VPS13D: variants seen among roughly 807,000 people sequenced by gnomAD.
VPS13D encodes intermembrane lipid transfer protein VPS13D.
A neutral mutation model predicts 461.9 loss-of-function variants in VPS13D; 187 were observed. The observed-to-expected ratio is 0.40, with a 90% CI of 0.36 to 0.46. The LOEUF (loss-of-function observed/expected upper bound fraction) is 0.46, where lower values mean the gene tolerates loss of function less well. Ranked by LOEUF, VPS13D falls within the 20% of genes least tolerant of loss-of-function variation. The pLI, the probability that VPS13D is intolerant of heterozygous loss-of-function variation, is 0.60. For missense variants in VPS13D, 4,711 were observed against 5,364.9 expected (o/e 0.88, Z 3.81); for synonymous variants, 1,951 against 1,986.3 (o/e 0.98, Z 0.47).
At chr1:12,250,618 G>A (rs1640704131) in intron 6 of VPS13D, among the ~76,000 whole-genome samples, 1 of 152,208 alleles carries the variant, frequency 6.6e-6, no homozygotes, top group Non-Finnish European at 1.5e-5. Flanking sequence ...TTATATGGCA[G>A]GCACTGTTCT....
At chr1:12,269,473 A>G (rs973328446) in intron 16 of VPS13D, among the ~76,000 whole-genome samples, 1 of 152,216 alleles carries the variant, frequency 6.6e-6, no homozygotes, top group Admixed American at 6.5e-5. Flanking sequence ...CATACTTTTT[A>G]TTTCACTATG....
chr1:12,377,591 A>G (rs976331148), intron 55 of VPS13D, among the ~76,000 whole-genome samples: 2 of 151,806 alleles, frequency 1.3e-5, no homozygotes, highest in African/African-American at 4.8e-5. Context: ...AGGCCGAGGC[A>G]GACAGATCAC....
rs778796648 is a variant in VPS13D at position 12,329,805 on chromosome 1, C to T, written c.8198-24C>T. On this transcript the variant is annotated intron_variant, in intron 36 of 69. Coordinates refer to ENST00000620676, the MANE Select transcript of VPS13D (RefSeq NM_015378.4). ...TTTGGTTGCTCCTGCCCTGCCGCTGCAGTAAGGTTTGCTTTCATTGCAGGT... is the reference window on the plus strand; with the variant it reads ...TTTGGTTGCTCCTGCCCTGCCGCTGTAGTAAGGTTTGCTTTCATTGCAGGT... The T allele has an allele frequency of 5.0e-6, 8 of 1,608,900 alleles. No individual in the cohort carries two copies. The Middle Eastern group carries it at 6.6e-4, about 133-fold the overall frequency.
intron 52 of VPS13D, among the ~76,000 whole-genome samples, chr1:12,367,222 A>AT (rs1463822851): frequency 6.6e-6 from 1 of 152,180 alleles, no homozygotes; most frequent in East Asian, 1.9e-4. Flanking sequence ...TATTTTCTGC[A>AT]TTTGGGCAGT....
rs776924831 is a variant in VPS13D at position 12,304,734 on chromosome 1, AGAG to A, written c.6439+10_6439+12del. 6.2e-7 allele frequency: 1 copy of A among 1,613,684 alleles called. No homozygotes were observed. The highest frequency in any genetic ancestry group is 8.5e-7 in the Non-Finnish European group (1 of 1,179,930). ...CCAAGAGTCCAGTAGTCCAGGTAAA[AGAG>A]GAGAAAAGCAACATAATACTGAAGG... On this transcript the variant is annotated splice_region_variant and intron_variant, in intron 26 of 69. Coordinates refer to ENST00000620676, the MANE Select transcript of VPS13D (RefSeq NM_015378.4).
At chr1:12,321,513 A>T (rs1643034689) in intron 32 of VPS13D, among the ~76,000 whole-genome samples, 1 of 151,880 alleles carries the variant, frequency 6.6e-6, no homozygotes, top group Non-Finnish European at 1.5e-5. Flanking sequence ...GGTTTAGTGA[A>T]TTTTTTTCTT....
In VPS13D at chr1:12,277,908, A is replaced by G. The variant is rs1180503833; in HGVS notation, c.4320A>G (p.Ala1440=). 6.2e-7 allele frequency: 1 copy of G among 1,614,184 alleles called. No individual in the cohort carries two copies. Among genetic ancestry groups the G allele is most frequent in the Non-Finnish European group, 8.5e-7 (1 of 1,180,018 alleles). ...KLYSLNCTQL[A]GREAVGSEGS... is the part of the protein sequence containing the mutation. Reference sequence around the variant, plus strand: ...ATTCTTTGAATTGCACCCAGTTGGCAGGTAGAGAAGCTGTTGGGTCTGAAG... The same window carrying G: ...ATTCTTTGAATTGCACCCAGTTGGCGGGTAGAGAAGCTGTTGGGTCTGAAG... The change falls in exon 19 of 70, where the codon GCA becomes GCG. Residue 1440 remains alanine, a synonymous_variant. Transcript: ENST00000620676.
intron 17 of VPS13D, 29 bp from the exon 18 acceptor site, chr1:12,272,974 T>C: frequency 6.2e-7 from 1 of 1,607,426 alleles, no homozygotes. Flanking sequence ...TTTCGGCAGT[T>C]ATGGTTAATG....
chr1:12,508,675 G>A (rs142936422), intron 69 of VPS13D, among the ~76,000 whole-genome samples: 2 of 150,358 alleles, frequency 1.3e-5, no homozygotes, highest in South Asian at 2.1e-4. Flanking sequence ...GCGCCTAGGC[G>A]ACAGAGACTC....
At chr1:12,436,621 A>G (rs897396868) in intron 65 of VPS13D, among the ~76,000 whole-genome samples, 3 of 152,176 alleles carry the variant, frequency 2.0e-5, no homozygotes, top group South Asian at 2.1e-4. Flanking sequence ...ATTTGACCAT[A>G]ATCTGCATAT....
intron 54 of VPS13D, among the ~76,000 whole-genome samples, chr1:12,372,489 A>G (rs1246933922): frequency 6.6e-6 from 1 of 152,162 alleles, no homozygotes; most frequent in Non-Finnish European, 1.5e-5. Flanking sequence ...TCATGTGCTT[A>G]TTAGTCATTT....
At chr1:12,353,043 A>C (rs1643835021) in intron 46 of VPS13D, among the ~76,000 whole-genome samples, 1 of 150,818 alleles carries the variant, frequency 6.6e-6, no homozygotes, top group Non-Finnish European at 1.5e-5. Flanking sequence ...AGAAATGAAG[A>C]TATATGTCCA....
At chr1:12,245,347 T>G (rs1161300007) in intron 5 of VPS13D, among the ~76,000 whole-genome samples, 1 of 152,168 alleles carries the variant, frequency 6.6e-6, no homozygotes, top group Non-Finnish European at 1.5e-5. Context: ...CAGTCTGAGG[T>G]TTTTGATTTC....
chr1:12,242,553 C>T lies in VPS13D; in HGVS notation c.138C>T (p.Ala46=). The T allele has an allele frequency of 6.2e-7, 1 of 1,614,068 alleles. No homozygotes were observed. Among genetic ancestry groups the T allele is most frequent in the Non-Finnish European group, 8.5e-7 (1 of 1,180,018 alleles). ...ELENLPLKKD[A]LKELELPFEV... ...AAAACTTGCCATTAAAGAAAGATGC[C>T]TTGAAAGAATTGGAATTACCATTTG... Residue 46 remains alanine (A), a synonymous_variant, in exon 3 of 70, where the codon GCC becomes GCT. Coordinates refer to ENST00000620676, the MANE Select transcript of VPS13D (RefSeq NM_015378.4).
At chr1:12,371,945 G>A (rs981778755) in intron 54 of VPS13D, among the ~76,000 whole-genome samples, 1 of 152,170 alleles carries the variant, frequency 6.6e-6, no homozygotes, top group East Asian at 1.9e-4. Context: ...TTGAGGAACC[G>A]CCATACTGTT....
rs986344766 is a variant in VPS13D at position 12,502,200 on chromosome 1, TAGG to T, written c.12794+4573_12794+4575del. Among the ~76,000 whole-genome samples, 5 of 152,014 alleles carry T rather than the reference TAGG, an allele frequency of 3.3e-5. No individual in the cohort carries two copies. The highest frequency in any genetic ancestry group is 5.9e-5 in the Non-Finnish European group (4 of 67,994). On this transcript the variant is annotated intron_variant, in intron 68 of 69. Coordinates refer to ENST00000620676, the MANE Select transcript of VPS13D (RefSeq NM_015378.4). This position sits in a 1 kb window ranked among gnomAD's most constrained non-coding sequence, Gnocchi z 4.3. ...GAGAGACTGAAGGCAGGAAGCCAGT[TAGG>T]AGGCCCGTGGGATAGTCCAGGTAGA...
intron 67 of VPS13D, among the ~76,000 whole-genome samples, chr1:12,484,914 T>G (rs1645777318): frequency 6.6e-6 from 1 of 152,162 alleles, no homozygotes; most frequent in Non-Finnish European, 1.5e-5. Context: ...CCAGTTCGTC[T>G]CTTATGTTCT....
In VPS13D at chr1:12,354,238, A is replaced by T. The variant is rs185706163; in HGVS notation, c.9679+17A>T. 9 of 1,612,412 alleles carry T rather than the reference A, an allele frequency of 5.6e-6. No homozygotes were observed. In the African/African-American group the frequency reaches 1.1e-4, roughly 19 times the overall value. On this transcript the variant is annotated intron_variant, in intron 47 of 69. Coordinates refer to ENST00000620676, the MANE Select transcript of VPS13D (RefSeq NM_015378.4). ...TTGAGCTGGGTAAGAATGTAGTCAGATGATCATTTGTCATAATCCTATGAA... is the reference window on the plus strand; with the variant it reads ...TTGAGCTGGGTAAGAATGTAGTCAGTTGATCATTTGTCATAATCCTATGAA...
At chr1:12,470,573 A>G (rs1348928257) in intron 67 of VPS13D, among the ~76,000 whole-genome samples, 1 of 152,222 alleles carries the variant, frequency 6.6e-6, no homozygotes, top group Non-Finnish European at 1.5e-5. Context: ...GTAGAAATTT[A>G]TTGAGTCTTG....
Sources: gnomAD v4.1 joint callset for allele counts (sites outside exome capture counted in the v4.1 genomes callset) on GRCh38, gnomAD v4.1.1 for gene constraint, Gnocchi (gnomAD v3.1) non-coding constraint, MANE v1.5 for transcripts, NCBI Gene and HGNC (gene_info 2026-07-23, HGNC 2026-07-21) for gene names.